The following ASTN1 variants were observed in gnomAD, a reference collection of about 807,000 sequenced individuals.
The protein encoded by ASTN1 is astrotactin 1, also known as astrotactin-1.
A neutral mutation model predicts 140.7 loss-of-function variants in ASTN1; 41 were observed. The observed-to-expected ratio is 0.29, with a 90% CI of 0.23 to 0.38. The LOEUF is 0.38. ASTN1 is among the 10% of genes least tolerant of loss of function. The pLI is 1.00. For missense variants in ASTN1, 1,479 were observed against 1,678.8 expected, an observed-to-expected ratio of 0.88 and a Z score of 2.08; for synonymous variants, 640 against 652.2, an observed-to-expected ratio of 0.98 and a Z score of 0.29.
chr1:176,966,442 T>G (rs147093161), intron 8 of ASTN1, among the ~76,000 whole-genome samples: 2 of 152,320 alleles, frequency 1.3e-5, no homozygotes, highest in African/African-American at 4.8e-5. Flanking sequence ...TTTCCCCATG[T>G]CCTACAAGCT....
At chr1:177,158,054 T>A (rs995351338) in intron 1 of ASTN1, among the ~76,000 whole-genome samples, 4 of 152,206 alleles carry the variant, frequency 2.6e-5, no homozygotes, top group Non-Finnish European at 5.9e-5. Context: ...TATTCTCATG[T>A]ATACATGTAA....
At chr1:176,872,072 T>C (rs1668371307) in intron 21 of ASTN1, among the ~76,000 whole-genome samples, 1 of 152,134 alleles carries the variant, frequency 6.6e-6, no homozygotes, top group Non-Finnish European at 1.5e-5. Context: ...ACACCAGCTG[T>C]GTGGCCTGGG....
intron 1 of ASTN1, among the ~76,000 whole-genome samples, chr1:177,151,127 A>C (rs1683012106): frequency 6.6e-6 from 1 of 152,146 alleles, no homozygotes; most frequent in African/African-American, 2.4e-5. Flanking sequence ...AAGATTACCA[A>C]GCCAAAGATG....
chr1:177,070,326 T>G (rs1314839880), intron 1 of ASTN1, among the ~76,000 whole-genome samples: 1 of 152,222 alleles, frequency 6.6e-6, no homozygotes, highest in Admixed American at 6.5e-5. Flanking sequence ...ACTCCTGGTC[T>G]TTCATTAACA....
At chr1:177,075,597 G>C (rs1678855969) in intron 1 of ASTN1, among the ~76,000 whole-genome samples, 1 of 150,118 alleles carries the variant, frequency 6.7e-6, no homozygotes, top group African/African-American at 2.4e-5. Flanking sequence ...CTTTTTCTGA[G>C]CAACATTTTT....
chr1:176,960,924 G>A (rs1392410443), intron 9 of ASTN1, among the ~76,000 whole-genome samples: 2 of 152,056 alleles, frequency 1.3e-5, no homozygotes, highest in Non-Finnish European at 2.9e-5. Flanking sequence ...TGAACAAGGG[G>A]CTGAGCCTGT....
rs1371978218 is a variant in ASTN1 at position 177,032,638 on chromosome 1, C to T, written c.683G>A (p.Ser228Asn). Reference sequence around the variant, plus strand: ...TGTCTCCCGGATGCTCAGGGTGCCACTGGAGTTGTGGCCCTGCACGCGGGC... The same window carrying T: ...TGTCTCCCGGATGCTCAGGGTGCCATTGGAGTTGTGGCCCTGCACGCGGGC... ...RNARVQGHNS[S>N]GTLSIRETPI... The change falls in exon 3 of 23, where the codon AGT becomes AAT. Residue 228 changes from serine (S) to asparagine (N), a missense_variant. By Grantham distance (46) the Ser-to-Asn change is conservative (BLOSUM62 1). Coordinates refer to ENST00000361833, the MANE Select transcript of ASTN1 (RefSeq NM_004319.3). The T allele has an allele frequency of 6.2e-7, 1 of 1,614,108 alleles. No individual in the cohort carries two copies. The highest frequency in any genetic ancestry group is 8.5e-7 in the Non-Finnish European group (1 of 1,180,052).
At chr1:176,926,034 T>G (rs539876857) in intron 16 of ASTN1, among the ~76,000 whole-genome samples, 1 of 151,982 alleles carries the variant, frequency 6.6e-6, no homozygotes, top group African/African-American at 2.4e-5. Flanking sequence ...GTCTCGATCT[T>G]CTGACCTCCT....
At chr1:176,904,178 G>A (rs76573057) in intron 16 of ASTN1, among the ~76,000 whole-genome samples, 9,095 of 152,214 alleles carry the variant, frequency 0.06, 352 homozygotes, top group Non-Finnish European at 0.087. Flanking sequence ...TGGCACTGGC[G>A]GGAGAGCCCT....
At chr1:177,128,761 G>T (rs1445698048) in intron 1 of ASTN1, among the ~76,000 whole-genome samples, 1 of 152,120 alleles carries the variant, frequency 6.6e-6, no homozygotes, top group East Asian at 1.9e-4. Context: ...TTTATAGAAT[G>T]CATTGAAAAG....
rs368728085 is a variant in ASTN1, at chr1:177,132,771, G to T, written c.283+31623C>A. 3.9e-5 allele frequency among the ~76,000 whole-genome samples: 6 copies of T among 152,264 alleles called. No individual in the cohort carries two copies. In the East Asian group the frequency reaches 1.2e-3, roughly 29 times the overall value. On this transcript the variant is annotated intron_variant, in intron 1 of 22. Coordinates refer to ENST00000361833, the MANE Select transcript of ASTN1 (RefSeq NM_004319.3). ...AGCACTTGCTTAGCAAACTGCCTGTGTTTAGCAGGTCTAAACTGCTATGAT... is the reference window on the plus strand; with the variant it reads ...AGCACTTGCTTAGCAAACTGCCTGTTTTTAGCAGGTCTAAACTGCTATGAT...
intron 8 of ASTN1, among the ~76,000 whole-genome samples, chr1:177,011,664 A>C (rs555756994): frequency 1.1e-3 from 169 of 150,514 alleles, no homozygotes; most frequent in African/African-American, 3.5e-3. Context: ...CACACACACC[A>C]CACACACACA....
chr1:177,138,176 C>T (rs1682289800), intron 1 of ASTN1, among the ~76,000 whole-genome samples: 1 of 152,212 alleles, frequency 6.6e-6, no homozygotes, highest in African/African-American at 2.4e-5. Context: ...CCAACATATC[C>T]TATCACCTTA....
In ASTN1 at chr1:176,861,377, G is replaced by A. The variant is rs1285581785; in HGVS notation, c.*2907C>T. ...TCAAGAGGAAACTCCAGAGGTCTTGGGGACATGGGAGCTGGGAGAGTGTTG... is the reference window on the plus strand; with the variant it reads ...TCAAGAGGAAACTCCAGAGGTCTTGAGGACATGGGAGCTGGGAGAGTGTTG... On this transcript the variant is annotated 3_prime_UTR_variant, in exon 23 of 23. Coordinates refer to ENST00000361833, the MANE Select transcript of ASTN1 (RefSeq NM_004319.3). The A allele has an allele frequency of 1.0e-6, 1 of 985,692 alleles. No homozygotes were observed. Among genetic ancestry groups the A allele is most frequent in the Admixed American group, 6.1e-5 (1 of 16,264 alleles). The allele number at this position is 985,692 out of a possible 1,614,324, so 61.1% of individuals were successfully genotyped here. A position where few individuals can be genotyped will look rare whatever the true frequency, so the allele number is the denominator to read the frequency against.
intron 1 of ASTN1, among the ~76,000 whole-genome samples, chr1:177,064,334 A>G (rs1247520294): frequency 6.6e-6 from 1 of 152,150 alleles, no homozygotes; most frequent in East Asian, 1.9e-4. Context: ...ATACCATAAA[A>G]TTCACCCTTT....
At chr1:177,138,474 G>A (rs1003543173) in intron 1 of ASTN1, among the ~76,000 whole-genome samples, 22 of 152,168 alleles carry the variant, frequency 1.4e-4, no homozygotes, top group African/African-American at 5.1e-4. Context: ...TCTGGTTGCC[G>A]AGGAGTGGAA....
intron 16 of ASTN1, among the ~76,000 whole-genome samples, chr1:176,907,634 T>C (rs1670057413): frequency 1.3e-5 from 2 of 152,216 alleles, no homozygotes; most frequent in Admixed American, 1.3e-4. Flanking sequence ...TACATAATCA[T>C]GCAAGTTCAC....
intron 2 of ASTN1, among the ~76,000 whole-genome samples, chr1:177,049,817 G>A (rs1349314040): frequency 6.6e-6 from 1 of 152,184 alleles, no homozygotes; most frequent in Admixed American, 6.5e-5. Flanking sequence ...ACCCAAGGTG[G>A]AGTCCAAGGA....
chr1:177,119,973 GCATGGTC>G (rs1463754625), intron 1 of ASTN1, among the ~76,000 whole-genome samples: 1 of 152,122 alleles, frequency 6.6e-6, no homozygotes, highest in Non-Finnish European at 1.5e-5. Flanking sequence ...GTGCCTTGTT[GCATGGTC>G]CACTAGAGTG....
Sources: allele counts gnomAD v4.1 joint callset (sites outside exome capture counted in the v4.1 genomes callset), GRCh38; gene constraint gnomAD v4.1.1; transcripts MANE v1.5; gene names NCBI Gene and HGNC (gene_info 2026-07-23, HGNC 2026-07-21).